The following PRRX1 variants were observed in gnomAD, a reference collection of about 807,000 sequenced individuals.
PRRX1 encodes paired related homeobox 1.
A neutral mutation model predicts 24.0 loss-of-function variants in PRRX1; 8 were observed. The observed-to-expected ratio is 0.33, with a 90% CI of 0.20 to 0.60. The LOEUF is 0.60. PRRX1 is among the 20% of genes least tolerant of loss of function. The pLI is 0.82. For synonymous variants in PRRX1, 160 were observed against 131.7 expected, an observed-to-expected ratio of 1.22 and a Z score of -1.47; for missense variants, 281 against 322.4, an observed-to-expected ratio of 0.87 and a Z score of 0.98.
rs41272503 is a variant in PRRX1 at position 170,737,215 on chromosome 1, C to G, written c.*1029C>G. On this transcript the variant is annotated 3_prime_UTR_variant, in exon 4 of 4. Transcript: ENST00000239461. The stretch of plus-strand genomic sequence containing the variant: ...AAGCTTAAGTTTGCAATTTCCCAAA[C>G]AATACAAAAAGCAAATTACACACCC... The G allele has an allele frequency of 0.075, 13,115 of 174,344 alleles. 642 individuals carry two copies. Among genetic ancestry groups the G allele is most frequent in the African/African-American group, 0.13 (5,534 of 41,788 alleles). The allele number at this position is 174,344 out of a possible 1,614,324, so 10.8% of individuals were successfully genotyped here.
At chr1:170,730,168 G>T (rs749916140) in intron 3 of PRRX1, 5 of 948,218 alleles carry the variant, frequency 5.3e-6, no homozygotes, top group Admixed American at 5.1e-5. Context: ...CTTGTCCACA[G>T]CTTCCCTCCC....
chr1:170,738,002 C>T lies in PRRX1; in HGVS notation c.*1816C>T, dbSNP rs1441498686. On this transcript the variant is annotated 3_prime_UTR_variant, in exon 4 of 4. Coordinates refer to ENST00000239461, the MANE Select transcript of PRRX1 (RefSeq NM_022716.4). ...CTACCTTGCTGTACATACTTATAACCTTGTATTTGGAAATGAGAAATAGGT... is the reference window on the plus strand; with the variant it reads ...CTACCTTGCTGTACATACTTATAACTTTGTATTTGGAAATGAGAAATAGGT... 4.6e-6 allele frequency: 1 copy of T among 217,796 alleles called. No individual in the cohort carries two copies. The highest frequency in any genetic ancestry group is 9.3e-6 in the Non-Finnish European group (1 of 108,062). The allele number at this position is 217,796 out of a possible 1,614,324, so 13.5% of individuals were successfully genotyped here. A position where few individuals can be genotyped will look rare whatever the true frequency, so the allele number is the denominator to read the frequency against.
At chr1:170,697,566 A>C (rs1244672139) in intron 1 of PRRX1, among the ~76,000 whole-genome samples, 1 of 151,350 alleles carries the variant, frequency 6.6e-6, no homozygotes, top group African/African-American at 2.4e-5. Flanking sequence ...ACTTTCTTCC[A>C]ATCTTTTGCT....
intron 1 of PRRX1, among the ~76,000 whole-genome samples, chr1:170,702,592 G>A (rs1042452193): frequency 3.9e-5 from 6 of 152,180 alleles, no homozygotes; most frequent in Non-Finnish European, 7.3e-5. Context: ...TCTTTAGAGT[G>A]AGGGTAACTA....
chr1:170,664,045 A>ATT (rs11286665), upstream of PRRX1: 4,307 of 546,540 alleles, frequency 7.9e-3, no homozygotes, highest in South Asian at 0.023. Context: ...CTCTTTTCCA[A>ATT]TTTTTTTTTT....
At chr1:170,663,701 A>G (rs905731637), upstream of PRRX1, 1 of 152,708 alleles carries the variant, frequency 6.5e-6, no homozygotes, top group African/African-American at 2.4e-5. Flanking sequence ...TTGCCTGGGA[A>G]TAACTTTTTT....
intron 3 of PRRX1, among the ~76,000 whole-genome samples, chr1:170,734,593 A>C (rs894814730): frequency 2.0e-5 from 3 of 152,140 alleles, no homozygotes; most frequent in Non-Finnish European, 2.9e-5. Context: ...GCAAAACTGA[A>C]ATAGAAGAAG....
intron 1 of PRRX1, among the ~76,000 whole-genome samples, chr1:170,717,333 G>A (rs553933738): frequency 1.3e-5 from 2 of 152,288 alleles, no homozygotes; most frequent in Non-Finnish European, 2.9e-5. Flanking sequence ...ATATTTCAAA[G>A]AACTACTGAG....
Position 170,739,203 on chromosome 1 carries a change from T to C in PRRX1, c.*3017T>C, listed in dbSNP as rs1255983263. 1 of 203,470 alleles carries C rather than the reference T, an allele frequency of 4.9e-6. No individual in the cohort carries two copies. Among genetic ancestry groups the C allele is most frequent in the Admixed American group, 6.0e-5 (1 of 16,748 alleles). The allele number at this position is 203,470 out of a possible 1,614,324, so 12.6% of individuals were successfully genotyped here. On this transcript the variant is annotated 3_prime_UTR_variant, in exon 4 of 4. Coordinates refer to ENST00000239461, the MANE Select transcript of PRRX1 (RefSeq NM_022716.4). ...GTCCTCAATCTCCCTTCAAACAAGA[T>C]GCTGATTTGTAGGGTACTTGGCAGG...
chr1:170,701,231 A>C (rs1406851107), intron 1 of PRRX1, among the ~76,000 whole-genome samples: 1 of 152,022 alleles, frequency 6.6e-6, no homozygotes. Flanking sequence ...TATATCCTCC[A>C]TTATCTTACA....
rs533129991 is a variant in PRRX1, at chr1:170,736,949, A to G, written c.*763A>G. 5.5e-5 allele frequency: 11 copies of G among 198,314 alleles called. No individual in the cohort carries two copies. In the South Asian group the frequency reaches 1.5e-3, roughly 28 times the overall value. The allele number at this position is 198,314 out of a possible 1,614,324, so 12.3% of individuals were successfully genotyped here. ...CTCACCCTATGCAATCAATCAATCA[A>G]TCATCTTAAGTTAAAGATATTTGTT... On this transcript the variant is annotated 3_prime_UTR_variant, in exon 4 of 4. Coordinates refer to ENST00000239461, the MANE Select transcript of PRRX1 (RefSeq NM_022716.4).
intron 1 of PRRX1, among the ~76,000 whole-genome samples, chr1:170,691,500 C>CCTTTCCTTTCCTTTCCTT (rs1558050428): frequency 3.5e-5 from 5 of 144,440 alleles, no homozygotes; most frequent in African/African-American, 1.0e-4. Context: ...CCTTTCCTTT[C>CCTTTCCTTTCCTTTCCTT]CTTTCCTTTC....
At chr1:170,685,877 G>A (rs542791184) in intron 1 of PRRX1, among the ~76,000 whole-genome samples, 3 of 142,064 alleles carry the variant, frequency 2.1e-5, no homozygotes, top group Non-Finnish European at 3.2e-5. Flanking sequence ...TGCAACTTGA[G>A]TGTAATTGAT....
chr1:170,721,028 C>T (rs901393661), intron 2 of PRRX1, among the ~76,000 whole-genome samples: 3 of 152,130 alleles, frequency 2.0e-5, no homozygotes, highest in Non-Finnish European at 4.4e-5. Context: ...ACAGAGAGGT[C>T]AAAGTATTTT....
chr1:170,700,981 G>T (rs1558053663), intron 1 of PRRX1, among the ~76,000 whole-genome samples: 1 of 152,144 alleles, frequency 6.6e-6, no homozygotes, highest in East Asian at 1.9e-4. Context: ...TTAGGACAGT[G>T]ACATAGTTTT....
intron 1 of PRRX1, among the ~76,000 whole-genome samples, chr1:170,716,053 AT>A (rs1369753556): frequency 3.9e-5 from 6 of 152,142 alleles, no homozygotes; most frequent in African/African-American, 1.4e-4. Flanking sequence ...GTTCTTCTAG[AT>A]CTAATTTAAC....
chr1:170,734,549 A>T (rs1291483254), intron 3 of PRRX1, among the ~76,000 whole-genome samples: 1 of 152,154 alleles, frequency 6.6e-6, no homozygotes, highest in Non-Finnish European at 1.5e-5. Context: ...GGTTGAGATC[A>T]TCTATCATGA....
intron 1 of PRRX1, among the ~76,000 whole-genome samples, chr1:170,706,707 A>G (rs1430776893): frequency 6.6e-6 from 1 of 152,188 alleles, no homozygotes; most frequent in African/African-American, 2.4e-5. Context: ...ACAAGTTTTG[A>G]TATAAAAAAT....
intron 1 of PRRX1, among the ~76,000 whole-genome samples, chr1:170,687,047 G>A (rs1653767797): frequency 1.8e-5 from 2 of 112,036 alleles, no homozygotes; most frequent in South Asian, 3.1e-4. Flanking sequence ...GTACCACAAG[G>A]TTAAACAAAA....
Sources: allele counts gnomAD v4.1 joint callset (sites outside exome capture counted in the v4.1 genomes callset), GRCh38; gene constraint gnomAD v4.1.1; transcripts MANE v1.5; gene names NCBI Gene and HGNC (gene_info 2026-07-23, HGNC 2026-07-21).